Variants in DOK6 observed in about 807,000 individuals in gnomAD.
DOK6 encodes downstream of tyrosine kinase 6.
In DOK6, 22 loss-of-function variants were observed where a neutral mutation model predicts 44.0. The observed-to-expected ratio is 0.50, with a 90% CI of 0.36 to 0.71. The LOEUF (loss-of-function observed/expected upper bound fraction) is 0.71, where lower values mean the gene tolerates loss of function less well. Among genes scored for constraint, DOK6 ranks in the 30% least tolerant of loss-of-function variants. The pLI, the probability that DOK6 is intolerant of heterozygous loss-of-function variation, is 0.00. For synonymous variants in DOK6, 166 were observed against 145.5 expected (o/e 1.14, Z -1.01); for missense variants, 340 against 416.4 (o/e 0.82, Z 1.60).
intron 7 of DOK6, among the ~76,000 whole-genome samples, chr18:69,779,914 C>G (rs1980207364): frequency 6.6e-6 from 1 of 151,978 alleles, no homozygotes; most frequent in Non-Finnish European, 1.5e-5. Context: ...CATGTTTTCA[C>G]AGTTTCATGA....
chr18:69,627,549 C>T (rs372423081), intron 3 of DOK6, among the ~76,000 whole-genome samples: 52 of 152,230 alleles, frequency 3.4e-4, no homozygotes, highest in Middle Eastern at 6.8e-3. Flanking sequence ...CCCGGGTTCA[C>T]GCCATTCTCC....
chr18:69,828,430 C>T (rs997278000), intron 7 of DOK6, among the ~76,000 whole-genome samples: 5 of 151,622 alleles, frequency 3.3e-5, no homozygotes, highest in Non-Finnish European at 7.4e-5. Context: ...GCAAAGAGAT[C>T]GCAGTTGTAG....
chr18:69,728,144 C>T (rs1415922134), intron 5 of DOK6, among the ~76,000 whole-genome samples: 1 of 152,208 alleles, frequency 6.6e-6, no homozygotes, highest in Non-Finnish European at 1.5e-5. Flanking sequence ...TCTTTGACTC[C>T]AGTCCTCCAC....
At chr18:69,411,026 C>CATAGATGG (rs1032456233) in intron 1 of DOK6, among the ~76,000 whole-genome samples, 1 of 151,976 alleles carries the variant, frequency 6.6e-6, no homozygotes, top group African/African-American at 2.4e-5. Flanking sequence ...AGAGATAGGG[C>CATAGATGG]ATAGATGGAT....
At position 69,717,528 on chromosome 18, in the gene DOK6, ACT is replaced by A. The variant is rs1221003661; in HGVS notation, c.599+18938_599+18939del. On this transcript the variant is annotated intron_variant, in intron 5 of 7. Coordinates refer to ENST00000382713, the MANE Select transcript of DOK6 (RefSeq NM_152721.6). The stretch of plus-strand genomic sequence containing the variant: ...ATTTTCTTTGAAAATATAGTTTGTG[ACT>A]CTGTTCCCAAGAGGAGGGAGCATGC... 5.3e-5 allele frequency among the ~76,000 whole-genome samples: 8 copies of A among 152,134 alleles called. No homozygotes were observed. In the South Asian group the frequency reaches 8.3e-4, roughly 16 times the overall value.
intron 3 of DOK6, among the ~76,000 whole-genome samples, chr18:69,616,149 G>A (rs1984278670): frequency 6.6e-6 from 1 of 152,164 alleles, no homozygotes; most frequent in Admixed American, 6.5e-5. Context: ...CAGAAATCCA[G>A]TACATATCCT....
chr18:69,795,604 C>T (rs944696790), intron 7 of DOK6, among the ~76,000 whole-genome samples: 4 of 152,080 alleles, frequency 2.6e-5, no homozygotes, highest in Admixed American at 6.6e-5. Context: ...TTCTCTGACG[C>T]CTGTATTCAT....
At chr18:69,694,602 T>A (rs1053680006) in intron 4 of DOK6, among the ~76,000 whole-genome samples, 4 of 152,048 alleles carry the variant, frequency 2.6e-5, no homozygotes, top group African/African-American at 9.7e-5. Context: ...ACAGGCAATG[T>A]GTTTGGGACT....
chr18:69,516,842 ATT>A, intron 1 of DOK6, among the ~76,000 whole-genome samples: 1 of 140,020 alleles, frequency 7.1e-6, no homozygotes, highest in East Asian at 2.1e-4. Flanking sequence ...CGCACGGCTA[ATT>A]TTTTTTTTTT....
intron 3 of DOK6, among the ~76,000 whole-genome samples, chr18:69,609,539 A>T (rs950934625): frequency 2.0e-5 from 3 of 149,940 alleles, no homozygotes; most frequent in Non-Finnish European, 4.4e-5. Flanking sequence ...GTCGGCAAAG[A>T]TGTGGAGAAA....
intron 3 of DOK6, among the ~76,000 whole-genome samples, chr18:69,616,282 C>G (rs1984282409): frequency 6.6e-6 from 1 of 152,154 alleles, no homozygotes; most frequent in Non-Finnish European, 1.5e-5. Context: ...ACTGTCTGCT[C>G]TGCGTCGGTG....
At chr18:69,575,013 G>A (rs1388821272) in intron 2 of DOK6, among the ~76,000 whole-genome samples, 1 of 152,066 alleles carries the variant, frequency 6.6e-6, no homozygotes, top group Non-Finnish European at 1.5e-5. Context: ...AATGGATACA[G>A]TGTACACCCT....
At chr18:69,520,295 C>T (rs1160822583) in intron 1 of DOK6, among the ~76,000 whole-genome samples, 1 of 151,442 alleles carries the variant, frequency 6.6e-6, no homozygotes, top group Admixed American at 6.6e-5. Flanking sequence ...ATACAGTGCA[C>T]TGTTGGATTT....
At chr18:69,479,272 G>C (rs1028662814) in intron 1 of DOK6, among the ~76,000 whole-genome samples, 18 of 152,032 alleles carry the variant, frequency 1.2e-4, no homozygotes, top group African/African-American at 4.3e-4. Flanking sequence ...GAAAATATGA[G>C]AATAAAAATC....
intron 1 of DOK6, among the ~76,000 whole-genome samples, chr18:69,550,323 T>C (rs1297391589): frequency 1.3e-5 from 2 of 152,106 alleles, no homozygotes; most frequent in Non-Finnish European, 2.9e-5. Context: ...TTTCTGATTC[T>C]TTCCAATACC....
chr18:69,518,031 G>A (rs548475403), intron 1 of DOK6, among the ~76,000 whole-genome samples: 8 of 152,010 alleles, frequency 5.3e-5, no homozygotes, highest in South Asian at 2.1e-4. Flanking sequence ...CCTGCTGGCC[G>A]CTGGCAAATT....
At chr18:69,505,258 A>T (rs748937272) in intron 1 of DOK6, among the ~76,000 whole-genome samples, 18 of 152,164 alleles carry the variant, frequency 1.2e-4, no homozygotes, top group Non-Finnish European at 2.6e-4. Context: ...GACTGTGGTT[A>T]AGCAAAAGTG....
rs571202236 is a variant in DOK6 at position 69,550,855 on chromosome 18, C to T, written c.67-13632C>T. 4.2e-3 allele frequency among the ~76,000 whole-genome samples: 629 copies of T among 148,622 alleles called. 1 individual carries two copies. Among genetic ancestry groups the T allele is most frequent in the Middle Eastern group, 0.014 (4 of 286 alleles). ...CTGGAGTGCAGAGGCACGATCTTGG[C>T]TCACTGAAACCGCTGCCTCTGGGGT... On this transcript the variant is annotated intron_variant, in intron 1 of 7. Transcript: ENST00000382713.
intron 5 of DOK6, among the ~76,000 whole-genome samples, chr18:69,713,220 A>T (rs1003094005): frequency 2.6e-5 from 4 of 152,230 alleles, no homozygotes; most frequent in African/African-American, 9.6e-5. Flanking sequence ...AAAGAAATGA[A>T]AGGTAGAACT....
Sources: gnomAD v4.1 joint callset for allele counts (sites outside exome capture counted in the v4.1 genomes callset) on GRCh38, gnomAD v4.1.1 for gene constraint, MANE v1.5 for transcripts, NCBI Gene and HGNC (gene_info 2026-07-23, HGNC 2026-07-21) for gene names.